VWA8: variants seen among roughly 807,000 people sequenced by gnomAD.
VWA8 encodes the protein von Willebrand factor A domain-containing protein 8.
In VWA8, 221 loss-of-function variants were observed where a neutral mutation model predicts 241.5. The ratio of observed to expected loss-of-function variants is 0.91; its 90% CI spans 0.82 to 1.02. The LOEUF (loss-of-function observed/expected upper bound fraction) is 1.02, where lower values mean the gene tolerates loss of function less well. Among genes scored for constraint, VWA8 ranks in the 50% least tolerant of loss-of-function variants. The pLI is 0.00. For missense variants in VWA8, 2,322 were observed against 2,328.7 expected, an observed-to-expected ratio of 1.00 and a Z score of 0.06; for synonymous variants, 852 against 827.1, an observed-to-expected ratio of 1.03 and a Z score of -0.52.
intron 22 of VWA8, 94 bp downstream of exon 22, chr13:41,731,986 T>C: frequency 2.9e-6 from 3 of 1,049,048 alleles, no homozygotes; most frequent in Non-Finnish European, 2.9e-6. Flanking sequence ...AACAGACTAA[T>C]ACGTAATCCA....
chr13:41,692,829 G>C (rs368355321), intron 30 of VWA8, 33 bp downstream of exon 30: 42 of 1,544,816 alleles, frequency 2.7e-5, no homozygotes, highest in Non-Finnish European at 3.6e-5. Context: ...AGAAATCCTT[G>C]GCAATTTGTG....
intron 4 of VWA8, among the ~76,000 whole-genome samples, chr13:41,897,543 T>A (rs1360991815): frequency 6.6e-6 from 1 of 152,234 alleles, no homozygotes; most frequent in African/African-American, 2.4e-5. Flanking sequence ...CAGCAATATA[T>A]GGACTGAATA....
chr13:41,714,544 T>C (rs1453334437), intron 26 of VWA8, among the ~76,000 whole-genome samples: 1 of 152,012 alleles, frequency 6.6e-6, no homozygotes, highest in Non-Finnish European at 1.5e-5. Flanking sequence ...TATAAATTTC[T>C]TTTGTGTTCC....
chr13:41,776,846 A>C (rs1180641776), intron 20 of VWA8, among the ~76,000 whole-genome samples: 1 of 152,178 alleles, frequency 6.6e-6, no homozygotes, highest in Non-Finnish European at 1.5e-5. Flanking sequence ...CAAATCAATA[A>C]AGCACACAAC....
intron 12 of VWA8, among the ~76,000 whole-genome samples, chr13:41,856,864 T>G (rs1872773584): frequency 6.6e-6 from 1 of 151,498 alleles, no homozygotes; most frequent in Admixed American, 6.6e-5. Context: ...AGAAAGAAAC[T>G]TCCACAAAAC....
intron 12 of VWA8, among the ~76,000 whole-genome samples, chr13:41,863,441 AT>A (rs1873127412): frequency 9.0e-6 from 1 of 110,500 alleles, no homozygotes; most frequent in Admixed American, 9.5e-5. Flanking sequence ...GTGTATATAT[AT>A]ATATATATAT....
chr13:41,743,161 A>G (rs545312366), intron 21 of VWA8, among the ~76,000 whole-genome samples: 2 of 152,266 alleles, frequency 1.3e-5, no homozygotes, highest in South Asian at 4.1e-4. Flanking sequence ...AGTGAAACAG[A>G]TAGTGGCAAC....
At chr13:41,617,889 T>C (rs1460313108) in intron 37 of VWA8, among the ~76,000 whole-genome samples, 1 of 149,986 alleles carries the variant, frequency 6.7e-6, no homozygotes, top group Admixed American at 6.6e-5. Flanking sequence ...CCGTCTATTA[T>C]GGGTTGGTTC....
In VWA8 at chr13:41,907,680, T is replaced by G. The variant is rs2138108159; in HGVS notation, c.389A>C (p.Glu130Ala). The change falls in exon 4 of 45, where the codon GAG becomes GCG. Residue 130 changes from glutamate to alanine, a missense_variant. Glu to Ala is a moderately radical substitution (Grantham distance 107). Transcript: ENST00000379310. ...AMQYLELTKR[E>A]VEYIALSRDT... ...CCTTGACAGGGCAATGTATTCGACC[T>G]CCCGTTTGGTCAGCTCCTGTAGAGA... The G allele has an allele frequency of 6.2e-7, 1 of 1,614,066 alleles. No individual in the cohort carries two copies. Among genetic ancestry groups the G allele is most frequent in the South Asian group, 1.1e-5 (1 of 91,070 alleles).
Position 41,566,970 on chromosome 13 carries a change from A to T in VWA8, c.*1227T>A, listed in dbSNP as rs927980778. 2.0e-5 allele frequency: 3 copies of T among 152,224 alleles called. No individual in the cohort carries two copies. Among genetic ancestry groups the T allele is most frequent in the East Asian group, 1.9e-4 (1 of 5,202 alleles). 9.4% of individuals were successfully genotyped at this position (152,224 alleles called of 1,614,324 possible). On this transcript the variant is annotated 3_prime_UTR_variant, in exon 45 of 45. Transcript: ENST00000379310. ...AATTATGGACCTGTACAATTTCAAT[A>T]GATATGGATGGATAGGATAATATTA...
At chr13:41,624,275 A>G (rs1464446980) in intron 37 of VWA8, among the ~76,000 whole-genome samples, 2 of 152,212 alleles carry the variant, frequency 1.3e-5, no homozygotes, top group East Asian at 3.8e-4. Flanking sequence ...TCCTACTGAA[A>G]TGATTCTCAA....
intron 12 of VWA8, among the ~76,000 whole-genome samples, chr13:41,836,106 C>T (rs1293801991): frequency 1.3e-5 from 2 of 152,160 alleles, no homozygotes; most frequent in Non-Finnish European, 2.9e-5. Flanking sequence ...GTGGGAAACA[C>T]TGCTTAAAAA....
intron 20 of VWA8, among the ~76,000 whole-genome samples, chr13:41,767,505 G>A (rs2137914723): frequency 6.6e-6 from 1 of 152,200 alleles, no homozygotes; most frequent in East Asian, 1.9e-4. Flanking sequence ...ATGATCACTG[G>A]AAATTTCTTA....
At chr13:41,827,363 C>T (rs1331370939) in intron 14 of VWA8, among the ~76,000 whole-genome samples, 1 of 152,082 alleles carries the variant, frequency 6.6e-6, no homozygotes, top group East Asian at 1.9e-4. Context: ...TAGAAATCAA[C>T]AGATTATTCC....
intron 18 of VWA8, among the ~76,000 whole-genome samples, chr13:41,784,715 T>TACACAC (rs1869080213): frequency 1.6e-5 from 1 of 62,852 alleles, no homozygotes; most frequent in Non-Finnish European, 3.8e-5. Flanking sequence ...TATATATATA[T>TACACAC]ATATATATAT....
At chr13:41,796,550 C>T (rs1318495480) in intron 17 of VWA8, among the ~76,000 whole-genome samples, 10 of 152,066 alleles carry the variant, frequency 6.6e-5, no homozygotes, top group Non-Finnish European at 1.0e-4. Flanking sequence ...CTCTTTTACA[C>T]TAATTAAATT....
intron 19 of VWA8, among the ~76,000 whole-genome samples, chr13:41,783,551 T>C (rs754101130): frequency 1.3e-5 from 2 of 150,816 alleles, no homozygotes; most frequent in Non-Finnish European, 2.9e-5. Context: ...GGTAGAAGAA[T>C]CGCTTGAACC....
chr13:41,570,556 G>GAT lies in VWA8; in HGVS notation c.5519_5520dup (p.Pro1841IlefsTer15). The GAT allele has an allele frequency of 6.2e-7, 1 of 1,614,216 alleles. No homozygotes were observed. Among genetic ancestry groups the GAT allele is most frequent in the Non-Finnish European group, 8.5e-7 (1 of 1,180,032 alleles). On this transcript the variant is annotated frameshift_variant, in exon 44 of 45. Transcript: ENST00000379310. LOFTEE classifies it high-confidence loss of function. ...GTGAGGATTTGAGCAAACTTAGCAG[G>GAT]ATGTATTCCATATCGTGACAGATTT...
chr13:41,802,575 CAG>C (rs1431158632), intron 17 of VWA8, among the ~76,000 whole-genome samples: 1 of 152,218 alleles, frequency 6.6e-6, no homozygotes, highest in Admixed American at 6.5e-5. Context: ...GCAGCTCTGG[CAG>C]AGATTCCTTC....
Sources: allele counts gnomAD v4.1 joint callset (sites outside exome capture counted in the v4.1 genomes callset), GRCh38; gene constraint gnomAD v4.1.1; transcripts MANE v1.5; gene names NCBI Gene and HGNC (gene_info 2026-07-23, HGNC 2026-07-21).